CACNG3: variants seen among roughly 807,000 people sequenced by gnomAD.
CACNG3 encodes calcium voltage-gated channel auxiliary subunit gamma 3, also known as voltage-dependent calcium channel gamma-3 subunit.
CACNG3 carries 3 observed loss-of-function variants against 28.5 expected under a neutral mutation model. That is an observed-to-expected ratio of 0.11 (90% CI 0.05 to 0.27). The LOEUF is 0.27. CACNG3 is among the 10% of genes least tolerant of loss of function. The pLI is 1.00. For missense variants in CACNG3, 236 were observed against 414.4 expected, an observed-to-expected ratio of 0.57 and a Z score of 3.74; for synonymous variants, 174 against 162.2, an observed-to-expected ratio of 1.07 and a Z score of -0.55.
chr16:24,281,813 T>C (rs1898832795), intron 1 of CACNG3, among the ~76,000 whole-genome samples: 5 of 152,226 alleles, frequency 3.3e-5, no homozygotes, highest in Admixed American at 3.3e-4. Context: ...CACTTTGAGA[T>C]AGGTGCTATT....
chr16:24,320,427 A>G (rs1320859962), intron 1 of CACNG3, among the ~76,000 whole-genome samples: 2 of 152,210 alleles, frequency 1.3e-5, no homozygotes, highest in Non-Finnish European at 2.9e-5. Context: ...AAATAAGTCC[A>G]TGTGATGACC....
At position 24,354,875 on chromosome 16, in the gene CACNG3, C is replaced by T. The variant is rs769655076; in HGVS notation, c.338C>T (p.Thr113Met). Residue 113 changes from threonine (T) to methionine (M), a missense_variant, in exon 3 of 4, where the codon ACG becomes ATG. This residue lies in a region of CACNG3 where 120 missense variants were observed against 263.4 expected (regional missense o/e 0.46). Coordinates refer to ENST00000005284, the MANE Select transcript of CACNG3 (RefSeq NM_006539.4). ...AGTGTCTTCCCCATCCTCAGTGTCA[C>T]GCTGCTGTTCTTCGGCGGGCTCTGC... Reference protein sequence around the residue: ...ASSVFPILSVTLLFFGGLCVA... With the variant: ...ASSVFPILSVMLLFFGGLCVA... 1.8e-5 allele frequency: 29 copies of T among 1,612,158 alleles called. No homozygotes were observed. The highest frequency in any genetic ancestry group is 2.2e-4 in the Middle Eastern group (1 of 4,514).
At chr16:24,356,813 A>G (rs1297795838) in intron 3 of CACNG3, among the ~76,000 whole-genome samples, 2 of 152,210 alleles carry the variant, frequency 1.3e-5, no homozygotes, top group Non-Finnish European at 2.9e-5. Context: ...AGACTCAGTA[A>G]TTTATAAAGG....
chr16:24,256,681 T>A lies in CACNG3; in HGVS notation c.-74T>A, dbSNP rs1898464165. 1 of 985,540 alleles carries A rather than the reference T, an allele frequency of 1.0e-6. No individual in the cohort carries two copies. Among genetic ancestry groups the A allele is most frequent in the Admixed American group, 1.7e-5 (1 of 58,986 alleles). 61.0% of individuals were successfully genotyped at this position (985,540 alleles called of 1,614,324 possible). On this transcript the variant is annotated 5_prime_UTR_variant, in exon 1 of 4. Coordinates refer to ENST00000005284, the MANE Select transcript of CACNG3 (RefSeq NM_006539.4). This position sits in a 1 kb window ranked among gnomAD's most constrained non-coding sequence, Gnocchi z 4.6. ...AAGAGCCTGTACTAGGTTACCCGGC[T>A]GCAGAGTGATTTTCCCCTCCGGCAC...
chr16:24,283,023 C>A, intron 1 of CACNG3, among the ~76,000 whole-genome samples: 1 of 152,082 alleles, frequency 6.6e-6, no homozygotes, highest in South Asian at 2.1e-4. Context: ...TGCACACCAC[C>A]ATTCCCGGGT....
intron 1 of CACNG3, among the ~76,000 whole-genome samples, chr16:24,276,638 T>C (rs1312446137): frequency 2.0e-5 from 3 of 152,248 alleles, no homozygotes; most frequent in Non-Finnish European, 4.4e-5. Flanking sequence ...CTAAGCTAAG[T>C]CATTGTTCCA....
At chr16:24,339,681 C>T (rs1330593764) in intron 1 of CACNG3, among the ~76,000 whole-genome samples, 6 of 152,190 alleles carry the variant, frequency 3.9e-5, no homozygotes, top group East Asian at 1.9e-4. Context: ...CCACTGCACC[C>T]GGCCTACTTT....
rs201012526 is a variant in CACNG3 at position 24,361,458 on chromosome 16, C to T, written c.543C>T (p.Phe181=). 124 of 1,614,158 alleles carry T rather than the reference C, an allele frequency of 7.7e-5. No individual in the cohort carries two copies. The highest frequency in any genetic ancestry group is 8.8e-5 in the Non-Finnish European group (104 of 1,180,026). The stretch of plus-strand genomic sequence containing the variant: ...ACTCCTATGGTTGGTCCTTTTATTT[C>T]GGAGCCTTCTCTTTCATCATCGCAG... ...KSYSYGWSFY[F]GAFSFIIAEI... is the part of the protein sequence containing the mutation. The change falls in exon 4 of 4, where the codon TTC becomes TTT. Residue 181 remains phenylalanine (F), a synonymous_variant. Coordinates refer to ENST00000005284, the MANE Select transcript of CACNG3 (RefSeq NM_006539.4). The surrounding 1 kb of genome is among the most constrained non-coding windows in gnomAD (Gnocchi z 6.8).
intron 1 of CACNG3, among the ~76,000 whole-genome samples, chr16:24,318,693 T>TG (rs1254571695): frequency 6.6e-6 from 1 of 152,036 alleles, no homozygotes; most frequent in East Asian, 1.9e-4. Context: ...CTGTTGCAGG[T>TG]GGGGTCACAT....
chr16:24,361,525 C>T lies in CACNG3; in HGVS notation c.610C>T (p.His204Tyr), dbSNP rs1448123792. 3 of 1,614,120 alleles carry T rather than the reference C, an allele frequency of 1.9e-6. No individual in the cohort carries two copies. The highest frequency in any genetic ancestry group is 1.3e-5 in the African/African-American group (1 of 75,022). ...VVAVHIYIEKHQQLRAKSHSE... is the reference protein window; with the variant it reads ...VVAVHIYIEKYQQLRAKSHSE... Reference sequence around the variant, plus strand: ...TGCCGTGCACATCTATATTGAAAAACATCAGCAGTTACGAGCCAAATCCCA... The same window carrying T: ...TGCCGTGCACATCTATATTGAAAAATATCAGCAGTTACGAGCCAAATCCCA... Residue 204 changes from histidine (H) to tyrosine (Y), a missense_variant, in exon 4 of 4, where the codon CAT becomes TAT. Around this residue, in one of 2 missense-constraint regions of CACNG3, gnomAD observed 116 missense variants for 151.0 expected, o/e 0.77. Coordinates refer to ENST00000005284, the MANE Select transcript of CACNG3 (RefSeq NM_006539.4). The surrounding 1 kb of genome is among the most constrained non-coding windows in gnomAD (Gnocchi z 6.8).
chr16:24,332,334 A>G (rs533122402), intron 1 of CACNG3, among the ~76,000 whole-genome samples: 1 of 152,154 alleles, frequency 6.6e-6, no homozygotes, highest in Non-Finnish European at 1.5e-5. Flanking sequence ...GGGCGATGAC[A>G]TGCACCTGCA....
At chr16:24,291,382 C>A (rs745507638) in intron 1 of CACNG3, among the ~76,000 whole-genome samples, 1 of 152,134 alleles carries the variant, frequency 6.6e-6, no homozygotes, top group African/African-American at 2.4e-5. Flanking sequence ...TATGACAATG[C>A]ACTTGAAGAC....
intron 1 of CACNG3, among the ~76,000 whole-genome samples, chr16:24,270,264 A>G (rs1898669133): frequency 6.6e-6 from 1 of 152,232 alleles, no homozygotes; most frequent in South Asian, 2.1e-4. Flanking sequence ...GGCAGACAGC[A>G]GTTAATAAAG....
chr16:24,266,632 G>A (rs1479685829), intron 1 of CACNG3, among the ~76,000 whole-genome samples: 2 of 152,214 alleles, frequency 1.3e-5, no homozygotes, highest in Admixed American at 6.5e-5. Context: ...GATAAAGGAG[G>A]AGAAGGAGAA....
At position 24,280,821 on chromosome 16, in the gene CACNG3, C is replaced by CAAAAAAAAAAAA. The variant is rs71154295; in HGVS notation, c.211+23869_211+23880dup. Reference sequence around the variant, plus strand: ...TGGGTGACAGAGCAAGAGTTTGTCTCAAAAAAAAAAAAAAAAAAAAAAAAG... The same window carrying CAAAAAAAAAAAA: ...TGGGTGACAGAGCAAGAGTTTGTCTCAAAAAAAAAAAAAAAAAAAAAAAAAAAAAAAAAAAAG... On this transcript the variant is annotated intron_variant, in intron 1 of 3. Transcript: ENST00000005284. 4.5e-4 allele frequency among the ~76,000 whole-genome samples: 25 copies of CAAAAAAAAAAAA among 55,638 alleles called. 3 individuals are homozygous for CAAAAAAAAAAAA. The highest frequency in any genetic ancestry group is 6.1e-4 in the Non-Finnish European group (19 of 31,400). The allele number at this position is 55,638 out of a possible 152,430, so 36.5% of individuals were successfully genotyped here.
In CACNG3 at chr16:24,318,507, G is replaced by A. The variant is rs185933374; in HGVS notation, c.212-28227G>A. Among the ~76,000 whole-genome samples, 399 of 152,106 alleles carry A rather than the reference G, an allele frequency of 2.6e-3. 1 individual carries two copies. The highest frequency in any genetic ancestry group is 8.7e-3 in the African/African-American group (362 of 41,518). On this transcript the variant is annotated intron_variant, in intron 1 of 3. Transcript: ENST00000005284. ...GCACCCGGCCTGTATATCCTTTTTC[G>A]AATGAATGAATGAAAAAACAGCAGC... is the stretch of plus-strand genomic sequence containing the variant.
intron 1 of CACNG3, among the ~76,000 whole-genome samples, chr16:24,300,966 C>T (rs1472300007): frequency 6.7e-6 from 1 of 150,348 alleles, no homozygotes; most frequent in Non-Finnish European, 1.5e-5. Flanking sequence ...TCGCTTGAAC[C>T]TGGGAGGTGG....
chr16:24,290,029 A>G (rs144971985), intron 1 of CACNG3, among the ~76,000 whole-genome samples: 1,633 of 152,392 alleles, frequency 0.011, 13 homozygotes, highest in Middle Eastern at 0.037. Flanking sequence ...CAGGGCAGGC[A>G]TAAGGTTAAG....
intron 1 of CACNG3, among the ~76,000 whole-genome samples, chr16:24,263,795 A>G (rs1898564369): frequency 6.6e-6 from 1 of 152,204 alleles, no homozygotes; most frequent in East Asian, 1.9e-4. Flanking sequence ...CATGTTGACC[A>G]TTAGTTCTTG....
Sources: allele counts gnomAD v4.1 joint callset (sites outside exome capture counted in the v4.1 genomes callset), GRCh38; gene constraint gnomAD v4.1.1; regional missense constraint gnomAD v4.1.1; non-coding constraint Gnocchi (gnomAD v3.1); transcripts MANE v1.5; gene names NCBI Gene and HGNC (gene_info 2026-07-23, HGNC 2026-07-21).